Variants in CTNNA3 observed in about 807,000 individuals in gnomAD.
CTNNA3 encodes the protein catenin alpha 3.
Under a neutral mutation model 95.7 loss-of-function variants are expected in CTNNA3, and 76 were observed. The observed-to-expected ratio is 0.79, with a 90% CI of 0.66 to 0.96. The LOEUF (loss-of-function observed/expected upper bound fraction) is 0.96, where lower values mean the gene tolerates loss of function less well. CTNNA3 is among the 40% of genes least tolerant of loss of function. CTNNA3 has a pLI of 0.00. For synonymous variants in CTNNA3, 431 were observed against 374.4 expected (o/e 1.15, Z -1.74); for missense variants, 1,191 against 1,089.8 (o/e 1.09, Z -1.31).
chr10:67,520,724 G>A (rs1208505789), intron 5 of CTNNA3, among the ~76,000 whole-genome samples: 1 of 152,106 alleles, frequency 6.6e-6, no homozygotes, highest in Non-Finnish European at 1.5e-5. Flanking sequence ...GGAAAATAAG[G>A]CCATAGAAAG....
At chr10:66,038,800 A>C (rs1257969350) in intron 15 of CTNNA3, among the ~76,000 whole-genome samples, 1 of 152,206 alleles carries the variant, frequency 6.6e-6, no homozygotes, top group East Asian at 1.9e-4. Flanking sequence ...ATGAATGGAC[A>C]AAAGCTAGAA....
At chr10:66,048,103 T>A (rs1296564382) in intron 15 of CTNNA3, among the ~76,000 whole-genome samples, 1 of 152,070 alleles carries the variant, frequency 6.6e-6, no homozygotes, top group Non-Finnish European at 1.5e-5. Flanking sequence ...AGCACATTCT[T>A]CACAGAACTA....
At chr10:67,670,733 AT>A (rs1244055521) in intron 1 of CTNNA3, among the ~76,000 whole-genome samples, 1 of 152,072 alleles carries the variant, frequency 6.6e-6, no homozygotes, top group African/African-American at 2.4e-5. Context: ...AGCCTGTTTT[AT>A]TTTTTGTTTT....
chr10:66,110,219 G>C (rs956065842), intron 13 of CTNNA3, among the ~76,000 whole-genome samples: 8 of 151,858 alleles, frequency 5.3e-5, no homozygotes, highest in Admixed American at 1.3e-4. Flanking sequence ...AAAATTAGAC[G>C]GGTGTGGTGG....
intron 12 of CTNNA3, among the ~76,000 whole-genome samples, chr10:66,324,462 T>A (rs1035470559): frequency 1.3e-5 from 2 of 151,930 alleles, no homozygotes; most frequent in African/African-American, 2.4e-5. Flanking sequence ...AGGCAGAGAG[T>A]CCACTGAACT....
At chr10:67,730,933 T>C (rs1375307903) in intron 1 of CTNNA3, among the ~76,000 whole-genome samples, 1 of 152,074 alleles carries the variant, frequency 6.6e-6, no homozygotes, top group Admixed American at 6.6e-5. Context: ...TACATACTCA[T>C]AATATTTAAT....
At chr10:66,188,147 C>T (rs1264581761) in intron 13 of CTNNA3, among the ~76,000 whole-genome samples, 1 of 152,038 alleles carries the variant, frequency 6.6e-6, no homozygotes, top group African/African-American at 2.4e-5. Flanking sequence ...AAAAAAGAAT[C>T]AGCAAACATG....
chr10:67,386,650 A>C (rs1407547197), intron 5 of CTNNA3, among the ~76,000 whole-genome samples: 3 of 152,364 alleles, frequency 2.0e-5, no homozygotes, highest in East Asian at 3.9e-4. Context: ...AAAAAGATAG[A>C]AAAAGTCTTA....
At chr10:67,234,235 C>T (rs1865352562) in intron 5 of CTNNA3, among the ~76,000 whole-genome samples, 3 of 152,190 alleles carry the variant, frequency 2.0e-5, no homozygotes, top group African/African-American at 7.2e-5. Context: ...GACCAATATC[C>T]TTGATGAACA....
intron 7 of CTNNA3, among the ~76,000 whole-genome samples, chr10:67,154,904 A>G (rs12260060): frequency 0.021 from 3,155 of 152,216 alleles, 91 homozygotes; most frequent in African/African-American, 0.072. Flanking sequence ...CTTTTTAGGA[A>G]TGTGTTTTTT....
intron 7 of CTNNA3, among the ~76,000 whole-genome samples, chr10:67,133,328 T>TTTATAC (rs1554928689): frequency 9.5e-6 from 1 of 105,352 alleles, no homozygotes; most frequent in Non-Finnish European, 2.0e-5. Context: ...TATATATTTA[T>TTTATAC]ACACACACAC....
chr10:67,342,227 G>A (rs184507770), intron 5 of CTNNA3, among the ~76,000 whole-genome samples: 2,690 of 146,806 alleles, frequency 0.018, 86 homozygotes, highest in African/African-American at 0.062. Flanking sequence ...TCAGCCTCCC[G>A]AATAGCTGGG....
intron 13 of CTNNA3, among the ~76,000 whole-genome samples, chr10:66,179,883 T>G (rs1230270038): frequency 6.6e-6 from 1 of 152,160 alleles, no homozygotes; most frequent in Non-Finnish European, 1.5e-5. Context: ...ATGAAAAATT[T>G]TATCCTGTGG....
intron 15 of CTNNA3, among the ~76,000 whole-genome samples, chr10:66,006,742 C>T (rs1422811380): frequency 1.3e-5 from 2 of 152,122 alleles, no homozygotes; most frequent in African/African-American, 4.8e-5. Context: ...TAATCGCATT[C>T]AATTTAGGAA....
intron 7 of CTNNA3, among the ~76,000 whole-genome samples, chr10:66,996,465 G>A (rs367871147): frequency 6.6e-6 from 1 of 151,996 alleles, no homozygotes; most frequent in East Asian, 2.0e-4. Context: ...GGGCAATATG[G>A]TGAAACCCTG....
intron 12 of CTNNA3, among the ~76,000 whole-genome samples, chr10:66,299,204 T>G: frequency 6.6e-6 from 1 of 152,108 alleles, no homozygotes; most frequent in African/African-American, 2.4e-5. Context: ...AACCAACCTG[T>G]GTTCTCACCA....
intron 7 of CTNNA3, among the ~76,000 whole-genome samples, chr10:66,825,642 A>G (rs1398245575): frequency 1.3e-5 from 2 of 152,154 alleles, no homozygotes; most frequent in African/African-American, 4.8e-5. Context: ...AAAGTCTTCA[A>G]TTGTTCCTTT....
chr10:66,068,397 C>T (rs1159050030), intron 15 of CTNNA3, among the ~76,000 whole-genome samples: 5 of 151,972 alleles, frequency 3.3e-5, no homozygotes, highest in Non-Finnish European at 7.4e-5. Context: ...TTTAACAATC[C>T]TTTCTTTGTA....
chr10:65,957,683 A>T (rs2077760988), intron 17 of CTNNA3, among the ~76,000 whole-genome samples: 2 of 152,180 alleles, frequency 1.3e-5, no homozygotes, highest in South Asian at 4.1e-4. Flanking sequence ...TTCTGGGTTG[A>T]ATATTCTTTT....
Sources: allele counts gnomAD v4.1 joint callset (sites outside exome capture counted in the v4.1 genomes callset), GRCh38; gene constraint gnomAD v4.1.1; transcripts MANE v1.5; gene names NCBI Gene and HGNC (gene_info 2026-07-23, HGNC 2026-07-21).